ENTPD1: variants seen among roughly 807,000 people sequenced by gnomAD.
ENTPD1 encodes ectonucleoside triphosphate diphosphohydrolase 1, also known as ATP diphosphohydrolase.
In ENTPD1, 33 loss-of-function variants were observed where a neutral mutation model predicts 57.0. The observed-to-expected ratio is 0.58, with a 90% CI of 0.44 to 0.77. The LOEUF is 0.77. ENTPD1 is among the 30% of genes least tolerant of loss of function. ENTPD1 has a pLI of 0.00. For missense variants in ENTPD1, 501 were observed against 603.4 expected (o/e 0.83, Z 1.78); for synonymous variants, 202 against 218.8 (o/e 0.92, Z 0.68).
rs71034350 is a variant in ENTPD1, at chr10:95,760,814, C to CTTTTTTTTTTTTTTTTTTTTT, written c.16+4572_16+4592dup. ...TGGAGTAAATTACATAGAGTTTATTCTTTTTTTTTTTTTTTTTTTTTTTTT... is the reference window on the plus strand; with the variant it reads ...TGGAGTAAATTACATAGAGTTTATTCTTTTTTTTTTTTTTTTTTTTTTTTTTTTTTTTTTTTTTTTTTTTTT... On this transcript the variant is annotated intron_variant, in intron 1 of 9. Transcript: ENST00000371205. 2.7e-4 allele frequency among the ~76,000 whole-genome samples: 17 copies of CTTTTTTTTTTTTTTTTTTTTT among 62,970 alleles called. 3 individuals are homozygous for CTTTTTTTTTTTTTTTTTTTTT. Among genetic ancestry groups the CTTTTTTTTTTTTTTTTTTTTT allele is most frequent in the South Asian group, 1.7e-3 (2 of 1,184 alleles). The allele number at this position is 62,970 out of a possible 152,430, so 41.3% of individuals were successfully genotyped here.
Position 95,872,891 on chromosome 10 carries a change from C to G in ENTPD1, c.*6508C>G, listed in dbSNP as rs2098482054. ...TTCCCCTAGCCACATGGAACTTTTC[C>G]TTTTTGGAACATGCCTTTAGTTTCT... On this transcript the variant is annotated 3_prime_UTR_variant, in exon 10 of 10. Coordinates refer to ENST00000371205, the MANE Select transcript of ENTPD1 (RefSeq NM_001776.6). The G allele has an allele frequency of 2.0e-6, 2 of 985,384 alleles. No individual in the cohort carries two copies. Among genetic ancestry groups the G allele is most frequent in the Non-Finnish European group, 2.4e-6 (2 of 829,924 alleles). The allele number at this position is 985,384 out of a possible 1,614,324, so 61.0% of individuals were successfully genotyped here.
In ENTPD1 at chr10:95,756,191, TGG is replaced by T; in HGVS notation, c.-41_-40del. ...GAGACGGACCACAGCAAGCAGAGGC[TGG>T]GGGGGGGAAAGACGAGGAAAGAGGA... is the stretch of plus-strand genomic sequence containing the variant. On this transcript the variant is annotated 5_prime_UTR_variant, in exon 1 of 10. Transcript: ENST00000371205. The T allele has an allele frequency of 6.7e-7, 1 of 1,484,624 alleles. No homozygotes were observed. The highest frequency in any genetic ancestry group is 2.0e-5 in the Admixed American group (1 of 51,122). 92.0% of individuals were successfully genotyped at this position (1,484,624 alleles called of 1,614,324 possible).
chr10:95,699,606 CA>C, the ENTPD1 span, among the ~76,000 whole-genome samples: 4 of 99,540 alleles, frequency 4.0e-5, no homozygotes, highest in African/African-American at 6.5e-5. Context: ...AAATCCTGTC[CA>C]AAAAAAAAGA....
At chr10:95,701,666 T>G in the ENTPD1 span, among the ~76,000 whole-genome samples, 1 of 152,160 alleles carries the variant, frequency 6.6e-6, no homozygotes, top group East Asian at 1.9e-4. Context: ...TGACAAAAAT[T>G]GACCATGTAT....
chr10:95,805,193 C>T (rs879194554), intron 1 of ENTPD1, among the ~76,000 whole-genome samples: 4 of 152,082 alleles, frequency 2.6e-5, no homozygotes, highest in Admixed American at 6.6e-5. Flanking sequence ...TGCATATATA[C>T]TTAGGATAGT....
At chr10:95,811,563 T>G (rs907184221) in intron 1 of ENTPD1, among the ~76,000 whole-genome samples, 7 of 152,174 alleles carry the variant, frequency 4.6e-5, no homozygotes, top group African/African-American at 1.7e-4. Flanking sequence ...AATTTTTAAA[T>G]TTTTTGTAGA....
intron 1 of ENTPD1, among the ~76,000 whole-genome samples, chr10:95,764,868 A>T (rs1273735630): frequency 2.0e-5 from 3 of 151,860 alleles, no homozygotes; most frequent in Non-Finnish European, 4.4e-5. Flanking sequence ...GATTACAGGC[A>T]TGTGCCACCA....
At chr10:95,814,699 G>A (rs1229753615) in intron 1 of ENTPD1, among the ~76,000 whole-genome samples, 6 of 152,074 alleles carry the variant, frequency 3.9e-5, no homozygotes, top group South Asian at 2.1e-4. Flanking sequence ...GCTGTGAACC[G>A]AGAATAATTG....
At position 95,871,977 on chromosome 10, in the gene ENTPD1, C is replaced by T; in HGVS notation, c.*5594C>T. The T allele has an allele frequency of 3.0e-6, 3 of 985,430 alleles. No homozygotes were observed. The highest frequency in any genetic ancestry group is 3.6e-6 in the Non-Finnish European group (3 of 829,930). 61.0% of individuals were successfully genotyped at this position (985,430 alleles called of 1,614,324 possible). ...AACTGAACTCTACCATTACTCCTAA[C>T]CCAGTTCCTCCTCCTGTGTTTTACA... On this transcript the variant is annotated 3_prime_UTR_variant, in exon 10 of 10. Transcript: ENST00000371205.
intron 1 of ENTPD1, among the ~76,000 whole-genome samples, chr10:95,803,619 G>T (rs1266088395): frequency 6.6e-6 from 1 of 152,002 alleles, no homozygotes; most frequent in Non-Finnish European, 1.5e-5. Flanking sequence ...TTGTCAGATG[G>T]GTAGATCGCA....
intron 1 of ENTPD1, among the ~76,000 whole-genome samples, chr10:95,723,484 A>G (rs1013770064): frequency 1.3e-5 from 2 of 152,178 alleles, no homozygotes; most frequent in African/African-American, 4.8e-5. Context: ...TAGGGGCCTA[A>G]GGATGCAGTG....
Position 95,868,544 on chromosome 10 carries a change from T to C in ENTPD1, c.*2161T>C. 8.1e-6 allele frequency: 8 copies of C among 985,438 alleles called. No homozygotes were observed. Among genetic ancestry groups the C allele is most frequent in the Non-Finnish European group, 9.6e-6 (8 of 829,932 alleles). The allele number at this position is 985,438 out of a possible 1,614,324, so 61.0% of individuals were successfully genotyped here. A position where few individuals can be genotyped will look rare whatever the true frequency, so the allele number is the denominator to read the frequency against. On this transcript the variant is annotated 3_prime_UTR_variant, in exon 10 of 10. Transcript: ENST00000371205. ...ATAAAGGTCAAATAAGTTGAGCCAA[T>C]AACAGCCGCTTTTTTCCTTCTGTCT...
At chr10:95,821,146 A>C (rs2098349386) in intron 1 of ENTPD1, among the ~76,000 whole-genome samples, 1 of 152,200 alleles carries the variant, frequency 6.6e-6, no homozygotes, top group South Asian at 2.1e-4. Context: ...TGGGAACCAA[A>C]GTGGGGTGCC....
At chr10:95,710,556 C>A (rs1036949410), upstream of ENTPD1, among the ~76,000 whole-genome samples, 4 of 152,084 alleles carry the variant, frequency 2.6e-5, no homozygotes, top group African/African-American at 9.7e-5. Context: ...GAATTCATCT[C>A]CTTGCTTTTT....
At position 95,876,109 on chromosome 10, in the gene ENTPD1, T is replaced by A. The variant is rs1241316381; in HGVS notation, c.*9726T>A. 1 of 985,260 alleles carries A rather than the reference T, an allele frequency of 1.0e-6. No homozygotes were observed. The highest frequency in any genetic ancestry group is 1.7e-5 in the African/African-American group (1 of 57,230). The allele number at this position is 985,260 out of a possible 1,614,324, so 61.0% of individuals were successfully genotyped here. On this transcript the variant is annotated 3_prime_UTR_variant, in exon 10 of 10. Coordinates refer to ENST00000371205, the MANE Select transcript of ENTPD1 (RefSeq NM_001776.6). Reference sequence around the variant, plus strand: ...CTGAAATGCAGTCTATTATCATACATAACTAAAAATAGAGCCTCAATAAAC... The same window carrying A: ...CTGAAATGCAGTCTATTATCATACAAAACTAAAAATAGAGCCTCAATAAAC...
intron 1 of ENTPD1, among the ~76,000 whole-genome samples, chr10:95,777,786 C>T (rs1198672677): frequency 6.6e-6 from 1 of 152,230 alleles, no homozygotes; most frequent in African/African-American, 2.4e-5. Flanking sequence ...GGCAGTAGGC[C>T]TTGCTGAGCT....
At chr10:95,784,546 G>A (rs1295578132) in intron 1 of ENTPD1, among the ~76,000 whole-genome samples, 3 of 152,166 alleles carry the variant, frequency 2.0e-5, no homozygotes. Flanking sequence ...AGACCTTGTG[G>A]ACCCAGGAAG....
At chr10:95,843,006 G>A (rs1252449811) in intron 4 of ENTPD1, among the ~76,000 whole-genome samples, 1 of 152,222 alleles carries the variant, frequency 6.6e-6, no homozygotes, top group East Asian at 1.9e-4. Flanking sequence ...AATGCAGGGT[G>A]ATCAGTGTTT....
chr10:95,760,667 T>C (rs1328140700), intron 1 of ENTPD1, among the ~76,000 whole-genome samples: 2 of 152,106 alleles, frequency 1.3e-5, no homozygotes, highest in East Asian at 1.9e-4. Flanking sequence ...TCTTGTGTTG[T>C]CTTTTTGGTT....
Sources: allele counts gnomAD v4.1 joint callset (sites outside exome capture counted in the v4.1 genomes callset), GRCh38; gene constraint gnomAD v4.1.1; transcripts MANE v1.5; gene names NCBI Gene and HGNC (gene_info 2026-07-23, HGNC 2026-07-21).